Variants in FHOD3 observed in about 807,000 individuals in gnomAD.
FHOD3 encodes the protein FH1/FH2 domain-containing protein 3.
In FHOD3, 90 loss-of-function variants were observed where a neutral mutation model predicts 173.0. The observed-to-expected ratio is 0.52, with a 90% CI of 0.44 to 0.62. The LOEUF (loss-of-function observed/expected upper bound fraction) is 0.62, where lower values mean the gene tolerates loss of function less well. Among genes scored for constraint, FHOD3 ranks in the 20% least tolerant of loss-of-function variants. The probability of loss-of-function intolerance (pLI) is 0.00; values close to 1 mark genes in which losing one functional copy is unlikely to be tolerated. For missense variants in FHOD3, 1,945 were observed against 2,034.7 expected (o/e 0.96, Z 0.85); for synonymous variants, 828 against 823.0 (o/e 1.01, Z -0.10).
rs188747207 is a variant in FHOD3 at position 36,771,301 on chromosome 18, C to T, written c.4786+1875C>T. On this transcript the variant is annotated intron_variant, in intron 28 of 28. Coordinates refer to ENST00000590592, the MANE Select transcript of FHOD3 (RefSeq NM_001281740.3). ...GAGACCAGGAGTGGAAACTCTTCTCCGAAGGGGCGAGGCTAATCCACACTC... is the reference window on the plus strand; with the variant it reads ...GAGACCAGGAGTGGAAACTCTTCTCTGAAGGGGCGAGGCTAATCCACACTC... 6.6e-4 allele frequency among the ~76,000 whole-genome samples: 100 copies of T among 152,270 alleles called. 1 individual carries two copies. Among genetic ancestry groups the T allele is most frequent in the African/African-American group, 2.2e-3 (92 of 41,556 alleles).
At chr18:36,742,612 C>T (rs2041957280) in intron 21 of FHOD3, 125 bp from the exon 22 acceptor site, 4 of 1,047,696 alleles carry the variant, frequency 3.8e-6, no homozygotes, top group Admixed American at 4.6e-5. Context: ...GAGCAATGCC[C>T]ATCGCGGGGG....
chr18:36,592,032 A>G (rs562170289), intron 6 of FHOD3, among the ~76,000 whole-genome samples: 1 of 152,376 alleles, frequency 6.6e-6, no homozygotes, highest in South Asian at 2.1e-4. Context: ...TAGCCTGGCC[A>G]ACATGGCAAA....
At chr18:36,719,552 G>T (rs142080051) in intron 19 of FHOD3, among the ~76,000 whole-genome samples, 1 of 152,142 alleles carries the variant, frequency 6.6e-6, no homozygotes, top group Non-Finnish European at 1.5e-5. Context: ...CAGGTTTAAG[G>T]TTATCTCCTC....
At chr18:36,646,519 A>G (rs972787229) in intron 10 of FHOD3, among the ~76,000 whole-genome samples, 1 of 152,222 alleles carries the variant, frequency 6.6e-6, no homozygotes, top group African/African-American at 2.4e-5. Context: ...CTTGTGAGAA[A>G]AAGTCCAGAA....
chr18:36,748,375 CACACACA>C (rs1334818346), intron 24 of FHOD3, among the ~76,000 whole-genome samples: 28 of 124,108 alleles, frequency 2.3e-4, no homozygotes, highest in Non-Finnish European at 3.7e-4. Context: ...CACACACACA[CACACACA>C]ACACACACAC....
chr18:36,522,322 A>G (rs2056315736), intron 5 of FHOD3, among the ~76,000 whole-genome samples: 3 of 152,182 alleles, frequency 2.0e-5, no homozygotes, highest in African/African-American at 7.2e-5. Context: ...GAGAGCCGGA[A>G]TTTGCTTATT....
At chr18:36,412,386 C>T (rs1345370178) in intron 3 of FHOD3, among the ~76,000 whole-genome samples, 3 of 152,136 alleles carry the variant, frequency 2.0e-5, no homozygotes, top group Non-Finnish European at 4.4e-5. Flanking sequence ...ATATAGCTTA[C>T]TCTAAGGGGA....
At chr18:36,774,431 G>A (rs1217831714) in intron 28 of FHOD3, among the ~76,000 whole-genome samples, 1 of 152,176 alleles carries the variant, frequency 6.6e-6, no homozygotes, top group Non-Finnish European at 1.5e-5. Flanking sequence ...GACTGTCACT[G>A]TCCTGAAAAC....
chr18:36,736,801 C>G (rs935360790), intron 20 of FHOD3, among the ~76,000 whole-genome samples: 1 of 152,178 alleles, frequency 6.6e-6, no homozygotes, highest in Non-Finnish European at 1.5e-5. Flanking sequence ...ATGTAAAGTT[C>G]TCACTTTGGG....
chr18:36,608,596 A>G (rs887433072), intron 8 of FHOD3, among the ~76,000 whole-genome samples: 5 of 152,176 alleles, frequency 3.3e-5, no homozygotes, highest in African/African-American at 9.7e-5. Context: ...CACCTTCACA[A>G]TTAGAATACA....
chr18:36,742,360 G>T (rs1568710053), intron 21 of FHOD3, among the ~76,000 whole-genome samples: 1 of 152,194 alleles, frequency 6.6e-6, no homozygotes, highest in Non-Finnish European at 1.5e-5. Flanking sequence ...AACTTTCATT[G>T]CCAATCTGCC....
At chr18:36,682,883 AC>A (rs376736644) in intron 15 of FHOD3, among the ~76,000 whole-genome samples, 2 of 152,204 alleles carry the variant, frequency 1.3e-5, no homozygotes, top group African/African-American at 4.8e-5. Context: ...CCAGCCAATA[AC>A]TTGTGCTTTT....
At chr18:36,652,489 T>C in intron 11 of FHOD3, 81 bp from the exon 12 acceptor site, 2 of 1,438,014 alleles carry the variant, frequency 1.4e-6, no homozygotes, top group Non-Finnish European at 1.8e-6. Flanking sequence ...GCTTTTTGCC[T>C]GTCTCTCTTT....
chr18:36,690,989 C>G (rs1220931421), intron 16 of FHOD3, among the ~76,000 whole-genome samples: 1 of 152,190 alleles, frequency 6.6e-6, no homozygotes, highest in Non-Finnish European at 1.5e-5. Context: ...ACCTCTAACT[C>G]TTCCCATGTC....
chr18:36,572,472 TTAG>T (rs2058487680), intron 5 of FHOD3, among the ~76,000 whole-genome samples: 2 of 152,102 alleles, frequency 1.3e-5, no homozygotes, highest in African/African-American at 2.4e-5. Flanking sequence ...CCGGATTGCT[TTAG>T]TAGTAGTGGG....
chr18:36,606,324 G>A (rs2032063909), intron 8 of FHOD3, among the ~76,000 whole-genome samples: 1 of 152,142 alleles, frequency 6.6e-6, no homozygotes, highest in Non-Finnish European at 1.5e-5. Context: ...ATCTTGTGAG[G>A]ACCTTTTTGC....
chr18:36,654,024 C>T (rs554690439), intron 13 of FHOD3, among the ~76,000 whole-genome samples: 81 of 152,282 alleles, frequency 5.3e-4, no homozygotes, highest in African/African-American at 1.9e-3. Flanking sequence ...GTTCCAGAGT[C>T]GCTTCCTAAC....
rs192814869 is a variant in FHOD3, at chr18:36,733,068, A to G, written c.3576+2264A>G. On this transcript the variant is annotated intron_variant, in intron 20 of 28. Coordinates refer to ENST00000590592, the MANE Select transcript of FHOD3 (RefSeq NM_001281740.3). ...GCCGACCTCCCAGTAGAGAGCAATC[A>G]TGCACCCACAGATAATCAAGGGTTG... 4.2e-4 allele frequency among the ~76,000 whole-genome samples: 64 copies of G among 152,320 alleles called. 1 individual carries two copies. The highest frequency in any genetic ancestry group is 3.9e-3 in the Admixed American group (60 of 15,300).
At chr18:36,763,694 A>G (rs1380010728) in intron 27 of FHOD3, among the ~76,000 whole-genome samples, 3 of 150,614 alleles carry the variant, frequency 2.0e-5, no homozygotes, top group East Asian at 3.9e-4. Flanking sequence ...TTCTGTGTGT[A>G]TATATATATG....
Sources: allele counts gnomAD v4.1 joint callset (sites outside exome capture counted in the v4.1 genomes callset), GRCh38; gene constraint gnomAD v4.1.1; transcripts MANE v1.5; gene names NCBI Gene and HGNC (gene_info 2026-07-23, HGNC 2026-07-21).